NAV1: variants seen among roughly 807,000 people sequenced by gnomAD.
NAV1 encodes the protein pore membrane and/or filament interacting like protein 3.
NAV1 carries 18 observed loss-of-function variants against 175.2 expected under a neutral mutation model. The observed-to-expected ratio is 0.10, with a 90% CI of 0.07 to 0.15. NAV1 has a LOEUF of 0.15. Ranked by LOEUF, NAV1 falls within the 10% of genes least tolerant of loss-of-function variation. NAV1 has a pLI of 1.00. For synonymous variants in NAV1, 897 were observed against 978.7 expected (o/e 0.92, Z 1.56); for missense variants, 1,731 against 2,436.6 (o/e 0.71, Z 6.10).
In NAV1 at chr1:201,642,204, T is replaced by TTCTTTC. The variant is rs1558031346; in HGVS notation, c.5-6430_5-6429insTCTTTC. On this transcript the variant is annotated intron_variant, in intron 2 of 29. Coordinates refer to the NAV1 transcript ENST00000367302. ...TCCTTCCTTCCCTCCTTTCTTCCTT[T>TTCTTTC]CTTCCTTCCCTCCTTTCTTCCTTTC... Among the ~76,000 whole-genome samples, 127 of 129,602 alleles carry TTCTTTC rather than the reference T, an allele frequency of 9.8e-4. 1 individual carries two copies. The highest frequency in any genetic ancestry group is 1.7e-3 in the Non-Finnish European group (106 of 62,922). The allele number at this position is 129,602 out of a possible 152,430, so 85.0% of individuals were successfully genotyped here.
chr1:201,793,915 G>A (rs980375328), intron 14 of NAV1, 40 bp downstream of exon 18: 6 of 1,472,502 alleles, frequency 4.1e-6, no homozygotes, highest in African/African-American at 2.8e-5. Flanking sequence ...TGGGTGCGGC[G>A]AGGGGGTTCT....
intron 10 of NAV1, 97 bp from the exon 15 acceptor site, chr1:201,789,643 C>A: frequency 8.7e-7 from 1 of 1,152,528 alleles, no homozygotes; most frequent in Non-Finnish European, 1.3e-6. Context: ...AGATGCCCTC[C>A]AGAATCACAA....
intron 1 of NAV1, among the ~76,000 whole-genome samples, chr1:201,573,919 G>A (rs556640546): frequency 1.3e-5 from 2 of 152,214 alleles, no homozygotes; most frequent in South Asian, 2.1e-4. Flanking sequence ...AGCCAGGCAC[G>A]GTGGCACGTG....
chr1:201,689,612 A>G (rs146012473), intron 1 of NAV1, among the ~76,000 whole-genome samples: 67 of 152,302 alleles, frequency 4.4e-4, no homozygotes, highest in African/African-American at 1.6e-3. Context: ...GCTGGAGCAC[A>G]TATACCCTTT....
chr1:201,664,893 C>T (rs971529563), intron 1 of NAV1, among the ~76,000 whole-genome samples: 2 of 152,182 alleles, frequency 1.3e-5, no homozygotes, highest in Non-Finnish European at 2.9e-5. Flanking sequence ...AGAAAGCCCC[C>T]ATCTCTCCTT....
At chr1:201,617,623 G>A (rs150663162) in intron 2 of NAV1, among the ~76,000 whole-genome samples, 11 of 152,304 alleles carry the variant, frequency 7.2e-5, no homozygotes, top group African/African-American at 2.6e-4. Context: ...AGCTAGTCAA[G>A]AGGCTGAGGT....
intron 3 of NAV1, among the ~76,000 whole-genome samples, chr1:201,722,452 A>G: frequency 6.6e-6 from 1 of 152,158 alleles, no homozygotes; most frequent in South Asian, 2.1e-4. Context: ...TTCTTTTTTC[A>G]GGTTGAACTC....
At chr1:201,619,974 G>C (rs913973258), upstream of NAV1, among the ~76,000 whole-genome samples, 26 of 151,942 alleles carry the variant, frequency 1.7e-4, no homozygotes, top group Non-Finnish European at 2.8e-4. Flanking sequence ...GGATGAGGGG[G>C]TCATAGCAAT....
intron 1 of NAV1, among the ~76,000 whole-genome samples, chr1:201,564,725 C>G (rs1162486613): frequency 6.6e-6 from 1 of 152,258 alleles, no homozygotes; most frequent in Non-Finnish European, 1.5e-5. Context: ...TTCTGTACAG[C>G]AGAAGTCTGA....
chr1:201,800,173 G>C (rs1386783162), intron 15 of NAV1, among the ~76,000 whole-genome samples: 1 of 151,880 alleles, frequency 6.6e-6, no homozygotes, highest in African/African-American at 2.4e-5. Flanking sequence ...CTAACTTTTT[G>C]TATTTTTAGT....
chr1:201,564,545 C>T (rs1434854114), intron 1 of NAV1, among the ~76,000 whole-genome samples: 2 of 152,200 alleles, frequency 1.3e-5, no homozygotes, highest in African/African-American at 4.8e-5. Context: ...AACCCTTGAA[C>T]CCAGGAGGCA....
intron 1 of NAV1, among the ~76,000 whole-genome samples, chr1:201,662,527 A>G (rs1229164717): frequency 6.6e-6 from 1 of 152,148 alleles, no homozygotes; most frequent in Non-Finnish European, 1.5e-5. Context: ...CATGCGTGTG[A>G]GGGTTCAGAT....
intron 1 of NAV1, among the ~76,000 whole-genome samples, chr1:201,573,363 C>T (rs1666603548): frequency 6.6e-6 from 1 of 152,116 alleles, no homozygotes; most frequent in African/African-American, 2.4e-5. Flanking sequence ...CGTATTCACA[C>T]TTTTTCAAGG....
intron 3 of NAV1, among the ~76,000 whole-genome samples, chr1:201,755,310 A>AC (rs1674386481): frequency 6.6e-6 from 1 of 152,300 alleles, no homozygotes; most frequent in South Asian, 2.1e-4. Context: ...GCATGGTGGC[A>AC]CAGGCCTGTG....
chr1:201,572,370 C>CT (rs558471603), intron 1 of NAV1, among the ~76,000 whole-genome samples: 3,016 of 136,430 alleles, frequency 0.022, 102 homozygotes, highest in African/African-American at 0.065. Context: ...TTCTTTCTTT[C>CT]TTTTTTTTTT....
At chr1:201,814,906 G>C (rs1000502606) in intron 28 of NAV1, among the ~76,000 whole-genome samples, 1 of 151,766 alleles carries the variant, frequency 6.6e-6, no homozygotes, top group East Asian at 1.9e-4. Flanking sequence ...AGATGTGGTG[G>C]TGGGCACCTG....
chr1:201,706,938 C>T (rs1422908512), intron 1 of NAV1, among the ~76,000 whole-genome samples: 3 of 152,146 alleles, frequency 2.0e-5, no homozygotes, highest in Admixed American at 6.6e-5. Flanking sequence ...TTATTACCCT[C>T]GGTTGAAGGC....
At chr1:201,721,780 A>T (rs1018351301) in intron 3 of NAV1, among the ~76,000 whole-genome samples, 2 of 152,198 alleles carry the variant, frequency 1.3e-5, no homozygotes, top group African/African-American at 4.8e-5. Context: ...CCACTGGGTG[A>T]CATAATCGGC....
chr1:201,679,317 G>A (rs1006179109), intron 1 of NAV1, among the ~76,000 whole-genome samples: 3 of 152,124 alleles, frequency 2.0e-5, no homozygotes, highest in Admixed American at 2.0e-4. Context: ...AGTCAGCCAC[G>A]TGAAAATGAG....
Sources: allele counts gnomAD v4.1 joint callset (sites outside exome capture counted in the v4.1 genomes callset), GRCh38; gene constraint gnomAD v4.1.1; transcripts MANE v1.5; gene names NCBI Gene and HGNC (gene_info 2026-07-23, HGNC 2026-07-21).